The following PCDHA7 variants were observed in gnomAD, a reference collection of about 807,000 sequenced individuals.
The protein encoded by PCDHA7 is protocadherin alpha-7.
A neutral mutation model predicts 57.2 loss-of-function variants in PCDHA7; 37 were observed. The ratio of observed to expected loss-of-function variants is 0.65; its 90% CI spans 0.50 to 0.85. The LOEUF (loss-of-function observed/expected upper bound fraction) is 0.85, where lower values mean the gene tolerates loss of function less well. Ranked by LOEUF, PCDHA7 falls within the 40% of genes least tolerant of loss-of-function variation. The probability of loss-of-function intolerance (pLI) is 0.00; values close to 1 mark genes in which losing one functional copy is unlikely to be tolerated. For missense variants in PCDHA7, 1,188 were observed against 1,241.8 expected (o/e 0.96, Z 0.65); for synonymous variants, 553 against 558.8 (o/e 0.99, Z 0.15).
intron 1 of PCDHA7, chr5:140,877,489 G>A: frequency 6.2e-7 from 1 of 1,613,844 alleles, no homozygotes; most frequent in Non-Finnish European, 8.5e-7. Context: ...GGTGGAGAAC[G>A]GCCAGGCCCC....
intron 2 of PCDHA7, 175 bp downstream of exon 2, chr5:140,979,182 A>C: frequency 2.6e-5 from 24 of 928,990 alleles, no homozygotes; most frequent in Non-Finnish European, 3.1e-5. Context: ...GCAAATGGTC[A>C]GTGCCAGATG....
At position 141,010,553 on chromosome 5, in the gene PCDHA7, C is replaced by T; in HGVS notation, c.*616C>T. ...CCACCCTCTAGGAGACAAAACTACC[C>T]CCACTGACAAGGCTTTAGGAGACCC... is the stretch of plus-strand genomic sequence containing the variant. On this transcript the variant is annotated 3_prime_UTR_variant, in exon 4 of 4. Transcript: ENST00000525929. The T allele has an allele frequency of 6.2e-6, 2 of 323,850 alleles. No homozygotes were observed. The highest frequency in any genetic ancestry group is 1.1e-5 in the Non-Finnish European group (2 of 176,368). 20.1% of individuals were successfully genotyped at this position (323,850 alleles called of 1,614,324 possible). A position where few individuals can be genotyped will look rare whatever the true frequency, so the allele number is the denominator to read the frequency against.
chr5:140,922,098 A>G (rs1193331436), intron 1 of PCDHA7, among the ~76,000 whole-genome samples: 2 of 152,176 alleles, frequency 1.3e-5, no homozygotes, highest in Non-Finnish European at 2.9e-5. Context: ...TCTACCAACT[A>G]TAGATAAATG....
chr5:140,840,432 C>T (rs1458512943), intron 1 of PCDHA7, among the ~76,000 whole-genome samples: 2 of 151,722 alleles, frequency 1.3e-5, no homozygotes, highest in Non-Finnish European at 2.9e-5. Flanking sequence ...TAGTTTAAAG[C>T]CGTGGAAATA....
At chr5:140,868,874 A>G (rs547590599) in intron 1 of PCDHA7, 25 of 646,974 alleles carry the variant, frequency 3.9e-5, no homozygotes, top group Middle Eastern at 8.7e-4. Flanking sequence ...AGTGCACAGT[A>G]CTCACAGTTT....
At position 141,010,447 on chromosome 5, in the gene PCDHA7, A is replaced by G. The variant is rs1343052000; in HGVS notation, c.*510A>G. On this transcript the variant is annotated 3_prime_UTR_variant, in exon 4 of 4. Coordinates refer to ENST00000525929, the MANE Select transcript of PCDHA7 (RefSeq NM_018910.3). Reference sequence around the variant, plus strand: ...GGCAAGAAAACAAAGACAAATAAACAGCGGAAGTTATCAGTATGGAGGGGA... The same window carrying G: ...GGCAAGAAAACAAAGACAAATAAACGGCGGAAGTTATCAGTATGGAGGGGA... 2 of 935,278 alleles carry G rather than the reference A, an allele frequency of 2.1e-6. No homozygotes were observed. Among genetic ancestry groups the G allele is most frequent in the Non-Finnish European group, 3.1e-6 (2 of 648,428 alleles). The allele number at this position is 935,278 out of a possible 1,614,324, so 57.9% of individuals were successfully genotyped here.
At chr5:140,877,207 G>C in intron 1 of PCDHA7, 3 of 1,613,796 alleles carry the variant, frequency 1.9e-6, no homozygotes, top group Non-Finnish European at 2.5e-6. Context: ...CGCAGTTAGC[G>C]AGTTGGTACC....
chr5:140,841,975 C>T (rs1777621234), intron 1 of PCDHA7: 7 of 1,613,726 alleles, frequency 4.3e-6, no homozygotes, highest in Non-Finnish European at 5.9e-6. Context: ...CAGATGGGGG[C>T]AAACCTGAGC....
At chr5:140,863,216 C>A (rs781920741) in intron 1 of PCDHA7, 5 of 1,084,226 alleles carry the variant, frequency 4.6e-6, no homozygotes, top group African/African-American at 1.6e-5. Context: ...AGCAGCCAAG[C>A]GAGGAAGGTC....
chr5:140,873,557 T>C (rs1347474996), intron 1 of PCDHA7, among the ~76,000 whole-genome samples: 1 of 150,760 alleles, frequency 6.6e-6, no homozygotes, highest in Non-Finnish European at 1.5e-5. Context: ...TTTCAATTTA[T>C]TTTCTAGTTT....
At chr5:140,884,391 C>G in intron 1 of PCDHA7, 1 of 1,613,982 alleles carries the variant, frequency 6.2e-7, no homozygotes, top group Non-Finnish European at 8.5e-7. Flanking sequence ...TGCGCGGTGT[C>G]CAGCCTGTTG....
rs1246867400 is a variant in PCDHA7, at chr5:140,885,558, AATTG to A, written c.2355+48825_2355+48828del. Among the ~76,000 whole-genome samples, 8 of 152,258 alleles carry A rather than the reference AATTG, an allele frequency of 5.3e-5. No individual in the cohort carries two copies. The South Asian group carries it at 1.0e-3, about 20-fold the overall frequency. On this transcript the variant is annotated intron_variant, in intron 1 of 3. Coordinates refer to ENST00000525929, the MANE Select transcript of PCDHA7 (RefSeq NM_018910.3). Reference sequence around the variant, plus strand: ...CAAAATATTGGTGTTATTTCTACGAAATTGATTGTCAGATGTGGAATTGATGCAT... The same window carrying A: ...CAAAATATTGGTGTTATTTCTACGAAATTGTCAGATGTGGAATTGATGCAT...
chr5:140,929,167 T>G (rs781804558), intron 1 of PCDHA7: 2 of 1,614,144 alleles, frequency 1.2e-6, no homozygotes, highest in Non-Finnish European at 1.7e-6. Context: ...CTATCGGGCC[T>G]CTCTGGGACT....
intron 1 of PCDHA7, chr5:140,849,310 G>A (rs2150434559): frequency 3.1e-6 from 4 of 1,307,514 alleles, no homozygotes; most frequent in African/African-American, 1.7e-5. Flanking sequence ...TTAGACGAAG[G>A]CTTGAATGGG....
intron 1 of PCDHA7, chr5:140,966,770 G>C: frequency 2.0e-6 from 3 of 1,500,088 alleles, no homozygotes; most frequent in Non-Finnish European, 2.7e-6. Flanking sequence ...AGTGGCTATG[G>C]AGCAGGCGGG....
intron 1 of PCDHA7, among the ~76,000 whole-genome samples, chr5:140,935,507 G>A (rs2090409706): frequency 6.6e-6 from 1 of 152,138 alleles, no homozygotes. Context: ...CCTTACAAAT[G>A]CCCAGTAGGC....
chr5:140,965,121 T>G (rs1454584682), intron 1 of PCDHA7, among the ~76,000 whole-genome samples: 6 of 152,178 alleles, frequency 3.9e-5, no homozygotes, highest in African/African-American at 1.4e-4. Flanking sequence ...TAGAGGAAGA[T>G]CTACAGATGA....
chr5:140,906,252 C>A (rs1376694912), intron 1 of PCDHA7, among the ~76,000 whole-genome samples: 1 of 152,180 alleles, frequency 6.6e-6, no homozygotes, highest in African/African-American at 2.4e-5. Context: ...AACCCATACA[C>A]ACCTCCTGAA....
At chr5:141,006,951 T>TA (rs1428990680) in intron 3 of PCDHA7, among the ~76,000 whole-genome samples, 1 of 152,164 alleles carries the variant, frequency 6.6e-6, no homozygotes, top group Non-Finnish European at 1.5e-5. Context: ...GATAGGCAGT[T>TA]ATACATGAGA....
Sources: gnomAD v4.1 joint callset for allele counts (sites outside exome capture counted in the v4.1 genomes callset) on GRCh38, gnomAD v4.1.1 for gene constraint, MANE v1.5 for transcripts, NCBI Gene and HGNC (gene_info 2026-07-23, HGNC 2026-07-21) for gene names.